Variants in CTNNA3 observed in about 807,000 individuals in gnomAD.
CTNNA3 encodes the protein catenin alpha 3, also known as catenin alpha-3.
CTNNA3 carries 76 observed loss-of-function variants against 95.7 expected under a neutral mutation model. The observed-to-expected ratio is 0.79, with a 90% CI of 0.66 to 0.96. The LOEUF (loss-of-function observed/expected upper bound fraction) is 0.96, where lower values mean the gene tolerates loss of function less well. CTNNA3 is among the 40% of genes least tolerant of loss of function. CTNNA3 has a pLI of 0.00. For synonymous variants in CTNNA3, 431 were observed against 374.4 expected (o/e 1.15, Z -1.74); for missense variants, 1,191 against 1,089.8 (o/e 1.09, Z -1.31).
At chr10:66,661,948 T>C (rs1228610344) in intron 9 of CTNNA3, among the ~76,000 whole-genome samples, 1 of 152,164 alleles carries the variant, frequency 6.6e-6, no homozygotes, top group Non-Finnish European at 1.5e-5. Context: ...TTTGTAAAAA[T>C]TTCATGCAGC....
intron 5 of CTNNA3, among the ~76,000 whole-genome samples, chr10:67,433,500 C>T (rs1269370004): frequency 1.3e-5 from 2 of 152,068 alleles, no homozygotes; most frequent in African/African-American, 2.4e-5. Context: ...TTGCTCAATA[C>T]AGAGTTGCCA....
chr10:66,328,798 T>C (rs1203660388), intron 12 of CTNNA3, among the ~76,000 whole-genome samples: 2 of 150,350 alleles, frequency 1.3e-5, no homozygotes, highest in African/African-American at 4.9e-5. Flanking sequence ...GGAGAACCAA[T>C]AATGTAAGTT....
chr10:66,034,492 A>ACAGCAG (rs139601636), intron 15 of CTNNA3, among the ~76,000 whole-genome samples: 1 of 152,034 alleles, frequency 6.6e-6, no homozygotes, highest in African/African-American at 2.4e-5. Context: ...CCTAACTTCA[A>ACAGCAG]CAGCAGCAGC....
At chr10:66,926,428 T>G (rs1847077136) in intron 7 of CTNNA3, 4 of 740,662 alleles carry the variant, frequency 5.4e-6, no homozygotes, top group Non-Finnish European at 9.5e-6. Context: ...CAAAGAATAA[T>G]GTTCCAAAAT....
At chr10:66,279,765 G>C (rs1487258120) in intron 13 of CTNNA3, among the ~76,000 whole-genome samples, 1 of 151,982 alleles carries the variant, frequency 6.6e-6, no homozygotes, top group Non-Finnish European at 1.5e-5. Context: ...CTGTCTTCAG[G>C]TGAATCCACT....
chr10:65,930,199 T>TAAAAAA (rs71472402), intron 17 of CTNNA3, among the ~76,000 whole-genome samples: 9 of 60,732 alleles, frequency 1.5e-4, no homozygotes, highest in East Asian at 6.0e-4. Context: ...CAGAGCTCAG[T>TAAAAAA]AAAAAAAAAA....
At chr10:66,227,367 T>A (rs959763015) in intron 13 of CTNNA3, among the ~76,000 whole-genome samples, 1 of 99,194 alleles carries the variant, frequency 1.0e-5, no homozygotes, top group Non-Finnish European at 2.1e-5. Context: ...CTTAATTTGT[T>A]AAGAGGTGTT....
intron 7 of CTNNA3, among the ~76,000 whole-genome samples, chr10:67,157,801 C>G (rs1335367811): frequency 6.6e-6 from 1 of 152,004 alleles, no homozygotes; most frequent in Non-Finnish European, 1.5e-5. Flanking sequence ...TGATGAATTC[C>G]CAGCCCAAAA....
chr10:67,133,170 C>T (rs1860105638), intron 7 of CTNNA3, among the ~76,000 whole-genome samples: 1 of 151,046 alleles, frequency 6.6e-6, no homozygotes, highest in Non-Finnish European at 1.5e-5. Context: ...GTAGCAAAAA[C>T]TCATATGTAC....
intron 6 of CTNNA3, among the ~76,000 whole-genome samples, chr10:67,199,680 G>A (rs1047306339): frequency 6.6e-6 from 1 of 152,030 alleles, no homozygotes; most frequent in Non-Finnish European, 1.5e-5. Context: ...TAAAGTGCAG[G>A]TGTTCAGCAT....
At chr10:66,011,201 A>G (rs2078999386) in intron 15 of CTNNA3, among the ~76,000 whole-genome samples, 1 of 152,050 alleles carries the variant, frequency 6.6e-6, no homozygotes. Context: ...CAATGCAATT[A>G]TTTCTCTTTT....
chr10:66,882,561 A>G (rs1367883594), intron 7 of CTNNA3, among the ~76,000 whole-genome samples: 1 of 152,132 alleles, frequency 6.6e-6, no homozygotes, highest in Non-Finnish European at 1.5e-5. Flanking sequence ...ACATACTTCC[A>G]CCAAAGCAAC....
intron 3 of CTNNA3, among the ~76,000 whole-genome samples, chr10:67,590,869 A>C (rs1842769617): frequency 6.6e-6 from 1 of 152,092 alleles, no homozygotes. Flanking sequence ...TTAATTTTGA[A>C]GTAGTAAGAT....
Position 66,461,470 on chromosome 10 carries a change from TA to T in CTNNA3, c.1531+59146del, listed in dbSNP as rs940696167. 2.6e-4 allele frequency among the ~76,000 whole-genome samples: 39 copies of T among 152,164 alleles called. 2 individuals carry two copies. The highest frequency in any genetic ancestry group is 8.9e-4 in the African/African-American group (37 of 41,530). On this transcript the variant is annotated intron_variant, in intron 11 of 17. Transcript: ENST00000433211. ...TATGTTTCTGAGTGATTAGGTAATATATTTCCTACGAAATTAACAACTGATG... is the reference window on the plus strand; with the variant it reads ...TATGTTTCTGAGTGATTAGGTAATATTTTCCTACGAAATTAACAACTGATG...
intron 7 of CTNNA3, among the ~76,000 whole-genome samples, chr10:66,831,883 G>T (rs1483193936): frequency 3.9e-5 from 6 of 152,154 alleles, no homozygotes; most frequent in Non-Finnish European, 8.8e-5. Flanking sequence ...TTAAGACATA[G>T]TTCAAGCTTT....
intron 7 of CTNNA3, among the ~76,000 whole-genome samples, chr10:67,035,232 T>C (rs1293411290): frequency 6.6e-6 from 1 of 152,206 alleles, no homozygotes; most frequent in Non-Finnish European, 1.5e-5. Context: ...TATCTATATA[T>C]ATAGTCAAAT....
chr10:66,738,799 A>T (rs761521432), intron 9 of CTNNA3, among the ~76,000 whole-genome samples: 1 of 152,176 alleles, frequency 6.6e-6, no homozygotes, highest in Admixed American at 6.5e-5. Context: ...CCTTGCAGTA[A>T]AGTAGGTGTA....
At chr10:66,515,922 A>G (rs1840837386) in intron 11 of CTNNA3, among the ~76,000 whole-genome samples, 1 of 152,146 alleles carries the variant, frequency 6.6e-6, no homozygotes, top group African/African-American at 2.4e-5. Flanking sequence ...GCCAAGCCAT[A>G]TCAATCATTC....
At chr10:66,463,431 A>G (rs2093542885) in intron 11 of CTNNA3, among the ~76,000 whole-genome samples, 1 of 152,170 alleles carries the variant, frequency 6.6e-6, no homozygotes, top group Non-Finnish European at 1.5e-5. Context: ...TACAGCCTGC[A>G]GAATTATCAG....
Sources: allele counts gnomAD v4.1 joint callset (sites outside exome capture counted in the v4.1 genomes callset), GRCh38; gene constraint gnomAD v4.1.1; transcripts MANE v1.5; gene names NCBI Gene and HGNC (gene_info 2026-07-23, HGNC 2026-07-21).